The following FAT3 variants were observed in gnomAD, a reference collection of about 807,000 sequenced individuals.
FAT3 encodes the protein protocadherin Fat 3.
FAT3 carries 95 observed loss-of-function variants against 310.2 expected under a neutral mutation model. The observed-to-expected ratio is 0.31, with a 90% CI of 0.26 to 0.36. The LOEUF (loss-of-function observed/expected upper bound fraction) is 0.36, where lower values mean the gene tolerates loss of function less well. Among genes scored for constraint, FAT3 ranks in the 10% least tolerant of loss-of-function variants. The pLI, the probability that FAT3 is intolerant of heterozygous loss-of-function variation, is 1.00. For missense variants in FAT3, 5,408 were observed against 5,715.6 expected (o/e 0.95, Z 1.74); for synonymous variants, 2,314 against 2,192.9 (o/e 1.06, Z -1.54).
At chr11:92,500,555 A>G (rs953827030) in intron 2 of FAT3, among the ~76,000 whole-genome samples, 2 of 152,050 alleles carry the variant, frequency 1.3e-5, no homozygotes, top group African/African-American at 4.8e-5. Flanking sequence ...ATATATTTCT[A>G]TCTCTCTCCC....
chr11:92,563,461 ATTCAAAT>A (rs1176054063), intron 3 of FAT3, among the ~76,000 whole-genome samples: 2 of 152,192 alleles, frequency 1.3e-5, no homozygotes, highest in Non-Finnish European at 2.9e-5. Context: ...CTACCAGGTT[ATTCAAAT>A]ATATTATTGT....
chr11:92,356,448 A>G (rs776850701), intron 2 of FAT3, among the ~76,000 whole-genome samples: 4 of 152,214 alleles, frequency 2.6e-5, no homozygotes, highest in Non-Finnish European at 5.9e-5. Flanking sequence ...CAGACTAGGT[A>G]GTTTAAACAA....
intron 6 of FAT3, among the ~76,000 whole-genome samples, chr11:92,772,060 C>G (rs1946472915): frequency 6.6e-6 from 1 of 152,092 alleles, no homozygotes; most frequent in South Asian, 2.1e-4. Flanking sequence ...TTTGCATAAT[C>G]TTTATTTTGA....
At chr11:92,426,283 C>T (rs2135002426) in intron 2 of FAT3, among the ~76,000 whole-genome samples, 1 of 152,142 alleles carries the variant, frequency 6.6e-6, no homozygotes, top group Non-Finnish European at 1.5e-5. Context: ...GATATTAGCC[C>T]TTTGTCAGAT....
At chr11:92,409,076 T>C (rs981180876) in intron 2 of FAT3, among the ~76,000 whole-genome samples, 1 of 152,336 alleles carries the variant, frequency 6.6e-6, no homozygotes, top group South Asian at 2.1e-4. Flanking sequence ...ATAAGTCTCA[T>C]GAGGAAAGAC....
At chr11:92,792,225 C>G (rs1415656183) in intron 8 of FAT3, among the ~76,000 whole-genome samples, 1 of 152,146 alleles carries the variant, frequency 6.6e-6, no homozygotes, top group Non-Finnish European at 1.5e-5. Context: ...TGTTTGTATT[C>G]CCACTTGACT....
chr11:92,845,047 G>T (rs1565645313), intron 19 of FAT3, among the ~76,000 whole-genome samples: 1 of 152,196 alleles, frequency 6.6e-6, no homozygotes, highest in Non-Finnish European at 1.5e-5. Flanking sequence ...TAGAGATAAG[G>T]GTCAAGTAGG....
chr11:92,630,976 A>G (rs1941537668), intron 3 of FAT3, among the ~76,000 whole-genome samples: 1 of 152,198 alleles, frequency 6.6e-6, no homozygotes, highest in Admixed American at 6.5e-5. Context: ...TACAACATAT[A>G]AAGCAGTGAG....
intron 24 of FAT3, among the ~76,000 whole-genome samples, chr11:92,884,275 T>C (rs1239458273): frequency 6.6e-6 from 1 of 152,182 alleles, no homozygotes; most frequent in African/African-American, 2.4e-5. Flanking sequence ...ACTGGCATGA[T>C]AATTTACATT....
chr11:92,457,578 A>C (rs1951523453), intron 2 of FAT3, among the ~76,000 whole-genome samples: 1 of 152,224 alleles, frequency 6.6e-6, no homozygotes, highest in Admixed American at 6.5e-5. Flanking sequence ...TATCCAAATT[A>C]GCTTAATCTC....
At chr11:92,546,711 T>C (rs1954629131) in intron 3 of FAT3, among the ~76,000 whole-genome samples, 2 of 152,196 alleles carry the variant, frequency 1.3e-5, no homozygotes, top group African/African-American at 4.8e-5. Context: ...TCATTATTTT[T>C]CAATGAGGCT....
At chr11:92,261,674 G>A (rs992325878) in intron 1 of FAT3, among the ~76,000 whole-genome samples, 2 of 151,912 alleles carry the variant, frequency 1.3e-5, no homozygotes, top group African/African-American at 2.4e-5. Flanking sequence ...GCTTCCAAAC[G>A]TTTGTATTAT....
intron 2 of FAT3, among the ~76,000 whole-genome samples, chr11:92,477,224 G>T (rs1429095697): frequency 6.6e-6 from 1 of 152,174 alleles, no homozygotes; most frequent in African/African-American, 2.4e-5. Context: ...ATGTGAGACT[G>T]CTTGTTTTAT....
At chr11:92,873,454 A>G (rs1349366615) in intron 22 of FAT3, among the ~76,000 whole-genome samples, 1 of 152,194 alleles carries the variant, frequency 6.6e-6, no homozygotes, top group Non-Finnish European at 1.5e-5. Context: ...TTTCCTTATC[A>G]AGGCAGCCAA....
At position 92,648,705 on chromosome 11, in the gene FAT3, A is replaced by G. The variant is rs541997745; in HGVS notation, c.3608-48679A>G. Reference sequence around the variant, plus strand: ...ATCTCCACCTCAGTTTGCTTCCTGGAGGATCTGAGCCCAAGACATGGACCA... The same window carrying G: ...ATCTCCACCTCAGTTTGCTTCCTGGGGGATCTGAGCCCAAGACATGGACCA... On this transcript the variant is annotated intron_variant, in intron 3 of 27. Coordinates refer to ENST00000525166, the MANE Select transcript of FAT3 (RefSeq NM_001367949.2). Among the ~76,000 whole-genome samples the G allele has an allele frequency of 1.6e-4, 24 of 152,284 alleles. No homozygotes were observed. The South Asian group carries it at 5.0e-3, about 32-fold the overall frequency.
intron 2 of FAT3, among the ~76,000 whole-genome samples, chr11:92,410,712 C>T (rs1476040820): frequency 6.6e-6 from 1 of 152,060 alleles, no homozygotes; most frequent in Non-Finnish European, 1.5e-5. Context: ...CTGGCCCAGA[C>T]TTCAACTGCA....
At chr11:92,408,110 T>A (rs187638020) in intron 2 of FAT3, 11 of 152,414 alleles carry the variant, frequency 7.2e-5, no homozygotes, top group Admixed American at 7.2e-4. Context: ...AGTGTTCAGT[T>A]TCTGGTGAGG....
At chr11:92,422,818 T>A (rs1285169137) in intron 2 of FAT3, among the ~76,000 whole-genome samples, 1 of 152,124 alleles carries the variant, frequency 6.6e-6, no homozygotes, top group East Asian at 1.9e-4. Context: ...TTGCCTTGTA[T>A]TGTGGCTGGC....
intron 4 of FAT3, among the ~76,000 whole-genome samples, chr11:92,734,209 G>A (rs538453655): frequency 2.6e-5 from 4 of 152,258 alleles, no homozygotes; most frequent in South Asian, 2.1e-4. Flanking sequence ...TCTGGAAAAA[G>A]GATTGTCTCT....
Sources: gnomAD v4.1 joint callset for allele counts (sites outside exome capture counted in the v4.1 genomes callset) on GRCh38, gnomAD v4.1.1 for gene constraint, MANE v1.5 for transcripts, NCBI Gene and HGNC (gene_info 2026-07-23, HGNC 2026-07-21) for gene names.